ADCK1: variants seen among roughly 807,000 people sequenced by gnomAD.
The protein encoded by ADCK1 is aarF domain containing kinase 1, also known as aarF domain-containing protein kinase 1.
Under a neutral mutation model 52.3 loss-of-function variants are expected in ADCK1, and 41 were observed. That is an observed-to-expected ratio of 0.78 (90% CI 0.61 to 1.02). The LOEUF (loss-of-function observed/expected upper bound fraction) is 1.02. ADCK1 is among the 50% of genes least tolerant of loss of function. The pLI is 0.00. For synonymous variants in ADCK1, 250 were observed against 274.6 expected (o/e 0.91, Z 0.89); for missense variants, 658 against 679.5 (o/e 0.97, Z 0.35).
intron 5 of ADCK1, among the ~76,000 whole-genome samples, chr14:77,889,157 T>A (rs889583119): frequency 6.6e-6 from 1 of 152,270 alleles, no homozygotes; most frequent in Non-Finnish European, 1.5e-5. Context: ...CCCAGCCATG[T>A]GGAACTGTGC....
At chr14:77,845,775 A>C (rs943516328) in intron 3 of ADCK1, among the ~76,000 whole-genome samples, 3 of 152,180 alleles carry the variant, frequency 2.0e-5, no homozygotes, top group Non-Finnish European at 2.9e-5. Flanking sequence ...TGGTGGACAC[A>C]GACACAAAAT....
intron 4 of ADCK1, among the ~76,000 whole-genome samples, chr14:77,883,353 G>T (rs976471806): frequency 2.0e-5 from 3 of 149,038 alleles, no homozygotes; most frequent in Admixed American, 2.0e-4. Flanking sequence ...TGCTGAAAGG[G>T]CTGGGGGACG....
intron 7 of ADCK1, among the ~76,000 whole-genome samples, chr14:77,911,845 G>A (rs1400388087): frequency 4.6e-5 from 7 of 151,858 alleles, no homozygotes; most frequent in Admixed American, 2.0e-4. Flanking sequence ...ATTTGCAGAT[G>A]AAGAATCAGA....
chr14:77,802,121 A>G (rs2081122567), intron 1 of ADCK1, among the ~76,000 whole-genome samples: 1 of 151,394 alleles, frequency 6.6e-6, no homozygotes, highest in Admixed American at 6.6e-5. Flanking sequence ...ACATGGATTC[A>G]AGTTCTGCCT....
intron 5 of ADCK1, among the ~76,000 whole-genome samples, chr14:77,891,630 G>A (rs1308326089): frequency 2.0e-5 from 3 of 152,170 alleles, no homozygotes; most frequent in African/African-American, 7.2e-5. Context: ...GTACAGAGTG[G>A]CTCCTTAGTA....
intron 4 of ADCK1, among the ~76,000 whole-genome samples, chr14:77,878,317 C>G (rs1020678981): frequency 1.3e-5 from 2 of 152,226 alleles, no homozygotes; most frequent in Non-Finnish European, 2.9e-5. Context: ...AATCTCTCCT[C>G]TAACCTCAAG....
At chr14:77,861,555 C>G (rs1007683002) in intron 4 of ADCK1, among the ~76,000 whole-genome samples, 1 of 134,012 alleles carries the variant, frequency 7.5e-6, no homozygotes, top group Admixed American at 6.9e-5. Flanking sequence ...GCCCTAAGAC[C>G]TTCTGCAGAA....
intron 4 of ADCK1, among the ~76,000 whole-genome samples, chr14:77,873,154 G>A (rs1005404863): frequency 3.9e-5 from 6 of 152,134 alleles, no homozygotes; most frequent in African/African-American, 1.4e-4. Flanking sequence ...CCTCCCCACC[G>A]CTTTCTACCT....
intron 6 of ADCK1, among the ~76,000 whole-genome samples, chr14:77,901,088 A>G (rs995689022): frequency 2.1e-5 from 3 of 143,508 alleles, no homozygotes; most frequent in African/African-American, 7.8e-5. Flanking sequence ...TCTGTTGCCC[A>G]GACTGGAGTG....
At chr14:77,892,423 A>G (rs1157278745) in intron 5 of ADCK1, among the ~76,000 whole-genome samples, 1 of 152,140 alleles carries the variant, frequency 6.6e-6, no homozygotes, top group Non-Finnish European at 1.5e-5. Context: ...AACCCTTATT[A>G]TCTCACATGT....
intron 4 of ADCK1, among the ~76,000 whole-genome samples, chr14:77,877,465 G>A (rs1248030974): frequency 1.3e-5 from 2 of 152,158 alleles, no homozygotes; most frequent in Non-Finnish European, 1.5e-5. Flanking sequence ...TAGAATTCAC[G>A]GCCCTCATCA....
chr14:77,829,275 C>T (rs895966809), intron 3 of ADCK1, among the ~76,000 whole-genome samples: 2 of 143,614 alleles, frequency 1.4e-5, no homozygotes, highest in African/African-American at 5.0e-5. Context: ...ACACTTCTGT[C>T]TTTCTACTAA....
chr14:77,809,757 G>A (rs567460818), intron 1 of ADCK1, among the ~76,000 whole-genome samples: 7 of 151,960 alleles, frequency 4.6e-5, no homozygotes, highest in African/African-American at 1.4e-4. Flanking sequence ...AAGAGAGGCT[G>A]GGTGTGGTGG....
intron 3 of ADCK1, among the ~76,000 whole-genome samples, chr14:77,856,078 C>T (rs949420133): frequency 3.9e-5 from 6 of 151,978 alleles, no homozygotes; most frequent in African/African-American, 7.3e-5. Flanking sequence ...GGCGTGGTCG[C>T]GGGCCCCTGT....
intron 5 of ADCK1, among the ~76,000 whole-genome samples, chr14:77,888,820 T>C (rs890421997): frequency 1.3e-5 from 2 of 152,184 alleles, no homozygotes; most frequent in Admixed American, 1.3e-4. Flanking sequence ...AGACCCCCAG[T>C]GGATGCCTGA....
chr14:77,881,771 G>A (rs185326419), intron 4 of ADCK1, among the ~76,000 whole-genome samples: 1 of 152,260 alleles, frequency 6.6e-6, no homozygotes, highest in African/African-American at 2.4e-5. Context: ...GGGATTACGG[G>A]TATCAGCCTC....
At chr14:77,814,466 T>A (rs2081400638) in intron 1 of ADCK1, among the ~76,000 whole-genome samples, 2 of 149,998 alleles carry the variant, frequency 1.3e-5, no homozygotes, top group Non-Finnish European at 1.5e-5. Context: ...CTGAGCATGG[T>A]AGCTCACATC....
chr14:77,864,527 C>G (rs1044502297), intron 4 of ADCK1, among the ~76,000 whole-genome samples: 1 of 152,094 alleles, frequency 6.6e-6, no homozygotes, highest in Non-Finnish European at 1.5e-5. Context: ...AAGGTGCCCT[C>G]TTTTTGCATC....
At chr14:77,905,193 AG>A (rs1404230003) in intron 6 of ADCK1, among the ~76,000 whole-genome samples, 1 of 152,074 alleles carries the variant, frequency 6.6e-6, no homozygotes, top group Non-Finnish European at 1.5e-5. Flanking sequence ...TGATGTTTGC[AG>A]GGAGACCAAA....
Sources: allele counts gnomAD v4.1 joint callset (sites outside exome capture counted in the v4.1 genomes callset), GRCh38; gene constraint gnomAD v4.1.1; transcripts MANE v1.5; gene names NCBI Gene and HGNC (gene_info 2026-07-23, HGNC 2026-07-21).